The following OSBPL5 variants were observed in gnomAD, a reference collection of about 807,000 sequenced individuals.
OSBPL5 encodes the protein oxysterol-binding protein-related protein 5.
In OSBPL5, 71 loss-of-function variants were observed where a neutral mutation model predicts 111.2. The observed-to-expected ratio is 0.64, with a 90% CI of 0.53 to 0.78. The LOEUF (loss-of-function observed/expected upper bound fraction) is 0.78, where lower values mean the gene tolerates loss of function less well. Ranked by LOEUF, OSBPL5 falls within the 30% of genes least tolerant of loss-of-function variation. The pLI is 0.00. For synonymous variants in OSBPL5, 549 were observed against 513.9 expected, an observed-to-expected ratio of 1.07 and a Z score of -0.93; for missense variants, 1,210 against 1,189.3, an observed-to-expected ratio of 1.02 and a Z score of -0.26.
At chr11:3,103,443 C>T in intron 10 of OSBPL5, 123 bp from the exon 11 acceptor site, 1 of 800,086 alleles carries the variant, frequency 1.2e-6, no homozygotes, top group Non-Finnish European at 2.0e-6. Context: ...GGCCACTTGG[C>T]CCAGGCGCTC....
At chr11:3,159,958 C>A (rs565075429) in intron 1 of OSBPL5, among the ~76,000 whole-genome samples, 1 of 152,312 alleles carries the variant, frequency 6.6e-6, no homozygotes, top group East Asian at 1.9e-4. Context: ...CCGGCTGCGT[C>A]TTCCTCGGCT....
At chr11:3,098,486 C>A (rs1857348557) in intron 14 of OSBPL5, among the ~76,000 whole-genome samples, 1 of 31,998 alleles carries the variant, frequency 3.1e-5, no homozygotes, top group Non-Finnish European at 6.5e-5. Context: ...CATAAAAAGA[C>A]ATGAAGGAAT....
chr11:3,132,530 C>A (rs965882772), intron 1 of OSBPL5, among the ~76,000 whole-genome samples: 1 of 152,166 alleles, frequency 6.6e-6, no homozygotes, highest in Admixed American at 6.5e-5. Flanking sequence ...CCAGTCTCAT[C>A]CCGTCCCTGT....
At chr11:3,108,693 G>A (rs1857799027) in intron 7 of OSBPL5, among the ~76,000 whole-genome samples, 1 of 152,204 alleles carries the variant, frequency 6.6e-6, no homozygotes, top group Admixed American at 6.5e-5. Flanking sequence ...CTGATGTCCT[G>A]GTGTGATAAC....
chr11:3,112,056 C>G (rs4130267), intron 7 of OSBPL5, among the ~76,000 whole-genome samples: 1 of 32,040 alleles, frequency 3.1e-5, no homozygotes, highest in African/African-American at 9.6e-5. Context: ...CATGTGTGTG[C>G]ATGTGTATGT....
At position 3,140,717 on chromosome 11, in the gene OSBPL5, T is replaced by A. The variant is rs904667172; in HGVS notation, c.-21-11548A>T. ...CTTGTTTCCAAGACCAGAGAGGTCA[T>A]AAGGTCACCTGCTGCCCACACGTCC... On this transcript the variant is annotated intron_variant, in intron 1 of 21. Coordinates refer to ENST00000263650, the MANE Select transcript of OSBPL5 (RefSeq NM_020896.4). This position sits in a 1 kb window ranked among gnomAD's most constrained non-coding sequence, Gnocchi z 4.5. 7.2e-5 allele frequency among the ~76,000 whole-genome samples: 11 copies of A among 152,134 alleles called. No individual in the cohort carries two copies. Among genetic ancestry groups the A allele is most frequent in the Admixed American group, 2.0e-4 (3 of 15,276 alleles).
Position 3,106,626 on chromosome 11 carries a change from T to C in OSBPL5, c.1059+637A>G, listed in dbSNP as rs751340126. Among the ~76,000 whole-genome samples, 1 of 152,212 alleles carries C rather than the reference T, an allele frequency of 6.6e-6. No homozygotes were observed. Among genetic ancestry groups the C allele is most frequent in the Non-Finnish European group, 1.5e-5 (1 of 68,026 alleles). Reference sequence around the variant, plus strand: ...TGCTGCCCACCGCCTGCTGCCTCCCTTGAGCTCGTGCGCTGGTGGTCCTTC... The same window carrying C: ...TGCTGCCCACCGCCTGCTGCCTCCCCTGAGCTCGTGCGCTGGTGGTCCTTC... On this transcript the variant is annotated intron_variant, in intron 9 of 21. Coordinates refer to ENST00000263650, the MANE Select transcript of OSBPL5 (RefSeq NM_020896.4). The surrounding 1 kb of genome is among the most constrained non-coding windows in gnomAD (Gnocchi z 8.4).
chr11:3,096,628 AAGAC>A (rs1193921514), intron 14 of OSBPL5, among the ~76,000 whole-genome samples: 1 of 151,074 alleles, frequency 6.6e-6, no homozygotes, highest in Non-Finnish European at 1.5e-5. Context: ...AAAAAAAAAA[AAGAC>A]AGAAAGAAAG....
intron 4 of OSBPL5, 56 bp downstream of exon 4, chr11:3,122,292 A>G: frequency 6.4e-7 from 1 of 1,563,992 alleles, no homozygotes; most frequent in South Asian, 1.2e-5. Flanking sequence ...TCCCTGGCTC[A>G]GGTGGCCGTC....
In OSBPL5 at chr11:3,126,627, G is replaced by A. The variant is rs1015961317; in HGVS notation, c.137-72C>T. 1.9e-5 allele frequency: 26 copies of A among 1,362,548 alleles called. No homozygotes were observed. The highest frequency in any genetic ancestry group is 2.5e-5 in the Non-Finnish European group (25 of 998,572). 84.4% of individuals were successfully genotyped at this position (1,362,548 alleles called of 1,614,324 possible). ...CAGGCTTCTCAGGCCGCTGCCTGGT[G>A]TGAGGCAGGCGAAGCGTGGGTGCGG... On this transcript the variant is annotated intron_variant, in intron 2 of 21. Coordinates refer to ENST00000263650, the MANE Select transcript of OSBPL5 (RefSeq NM_020896.4). The surrounding 1 kb of genome is among the most constrained non-coding windows in gnomAD (Gnocchi z 6.5).
intron 1 of OSBPL5, among the ~76,000 whole-genome samples, chr11:3,143,840 C>T (rs1430579840): frequency 6.6e-6 from 1 of 152,248 alleles, no homozygotes; most frequent in East Asian, 1.9e-4. Context: ...CCTCCTAGCT[C>T]CTGGCCGTGG....
chr11:3,096,660 CCTTAA>C (rs1445180180), intron 14 of OSBPL5, among the ~76,000 whole-genome samples: 1 of 150,474 alleles, frequency 6.6e-6, no homozygotes, highest in Non-Finnish European at 1.5e-5. Context: ...GAAGGGAAAT[CCTTAA>C]CTTTAGTGAT....
In OSBPL5 at chr11:3,098,495, A is replaced by ATTTT. The variant is rs552382553; in HGVS notation, c.1621+1659_1621+1662dup. On this transcript the variant is annotated intron_variant, in intron 14 of 21. Transcript: ENST00000263650. ...TCAAGCCATAAAAAGACATGAAGGA[A>ATTTT]TTTTTTTTTTTTTTTTTTTTTTTTT... Among the ~76,000 whole-genome samples, 161 of 81,188 alleles carry ATTTT rather than the reference A, an allele frequency of 2.0e-3. 12 individuals carry two copies. Among genetic ancestry groups the ATTTT allele is most frequent in the African/African-American group, 9.6e-3 (153 of 15,910 alleles). The allele number at this position is 81,188 out of a possible 152,430, so 53.3% of individuals were successfully genotyped here.
At chr11:3,155,207 C>T (rs998526528) in intron 1 of OSBPL5, among the ~76,000 whole-genome samples, 2 of 152,232 alleles carry the variant, frequency 1.3e-5, no homozygotes, top group Non-Finnish European at 2.9e-5. Context: ...GCTCACACAC[C>T]GGCCCAGGAG....
intron 7 of OSBPL5, among the ~76,000 whole-genome samples, chr11:3,112,569 GT>G (rs1191360335): frequency 1.4e-5 from 2 of 146,566 alleles, no homozygotes; most frequent in African/African-American, 5.1e-5. Flanking sequence ...ACTTAGAAAT[GT>G]CTTTGTTTAA....
chr11:3,124,983 A>C (rs1372894709), intron 3 of OSBPL5, among the ~76,000 whole-genome samples: 1 of 152,192 alleles, frequency 6.6e-6, no homozygotes, highest in African/African-American at 2.4e-5. Flanking sequence ...CCTGCTCCCC[A>C]ACTGGGCAGG....
chr11:3,100,505 G>A (rs1461121166), intron 13 of OSBPL5, among the ~76,000 whole-genome samples: 1 of 152,226 alleles, frequency 6.6e-6, no homozygotes, highest in African/African-American at 2.4e-5. Context: ...GTTTATTGCA[G>A]TCGCAAAACT....
At chr11:3,094,555 G>A (rs539604602) in intron 14 of OSBPL5, 11 of 518,050 alleles carry the variant, frequency 2.1e-5, no homozygotes, top group Middle Eastern at 5.2e-4. Flanking sequence ...TGGGAGGTGC[G>A]GAGCCTGGGA....
At chr11:3,093,422 G>C (rs1347806073) in intron 17 of OSBPL5, 105 bp downstream of exon 17, 1 of 1,503,408 alleles carries the variant, frequency 6.7e-7, no homozygotes, top group Admixed American at 2.0e-5. Context: ...CTCCCTGCCA[G>C]GGACATCCTG....
Sources: gnomAD v4.1 joint callset for allele counts (sites outside exome capture counted in the v4.1 genomes callset) on GRCh38, gnomAD v4.1.1 for gene constraint, Gnocchi (gnomAD v3.1) non-coding constraint, MANE v1.5 for transcripts, NCBI Gene and HGNC (gene_info 2026-07-23, HGNC 2026-07-21) for gene names.